Variants in SBF2 observed in about 807,000 individuals in gnomAD.
The protein encoded by SBF2 is myotubularin-related protein 13.
Under a neutral mutation model 225.2 loss-of-function variants are expected in SBF2, and 112 were observed. That is an observed-to-expected ratio of 0.50 (90% CI 0.43 to 0.58). SBF2 has a LOEUF of 0.58. SBF2 is among the 20% of genes least tolerant of loss of function. SBF2 has a pLI of 0.00. For missense variants in SBF2, 1,996 were observed against 2,206.2 expected, an observed-to-expected ratio of 0.90 and a Z score of 1.91; for synonymous variants, 763 against 773.3, an observed-to-expected ratio of 0.99 and a Z score of 0.22.
At chr11:9,866,872 C>T (rs1858267179) in intron 17 of SBF2, among the ~76,000 whole-genome samples, 2 of 152,180 alleles carry the variant, frequency 1.3e-5, no homozygotes, top group South Asian at 4.2e-4. Context: ...ACAAGGAATG[C>T]AAGCAACTCA....
chr11:9,799,700 T>C (rs1853366595), intron 32 of SBF2, among the ~76,000 whole-genome samples: 1 of 152,216 alleles, frequency 6.6e-6, no homozygotes, highest in Non-Finnish European at 1.5e-5. Flanking sequence ...AATGATGAGA[T>C]GGCTGAACTC....
At chr11:9,856,211 A>C (rs1305690570) in intron 19 of SBF2, among the ~76,000 whole-genome samples, 1 of 152,236 alleles carries the variant, frequency 6.6e-6, no homozygotes, top group Admixed American at 6.5e-5. Flanking sequence ...GGGCTGGATC[A>C]GTAATGGGTG....
chr11:10,049,380 G>A (rs2134706734), intron 2 of SBF2, among the ~76,000 whole-genome samples: 1 of 152,298 alleles, frequency 6.6e-6, no homozygotes, highest in East Asian at 1.9e-4. Flanking sequence ...GCTGAAGTGA[G>A]TGGATCACTT....
intron 17 of SBF2, among the ~76,000 whole-genome samples, chr11:9,874,694 T>TA (rs1859070278): frequency 6.6e-6 from 1 of 152,294 alleles, no homozygotes; most frequent in South Asian, 2.1e-4. Flanking sequence ...TTCACTGAGG[T>TA]ACTGCCTACA....
chr11:10,256,172 G>A (rs1323313911), intron 1 of SBF2, among the ~76,000 whole-genome samples: 2 of 152,122 alleles, frequency 1.3e-5, no homozygotes, highest in African/African-American at 4.8e-5. Flanking sequence ...TGCAGCACTG[G>A]CCAGGATAAA....
At chr11:10,052,424 T>C (rs562978366) in intron 2 of SBF2, among the ~76,000 whole-genome samples, 1 of 152,192 alleles carries the variant, frequency 6.6e-6, no homozygotes, top group Non-Finnish European at 1.5e-5. Flanking sequence ...ACAACGTATC[T>C]GGGAACAGGC....
At chr11:9,797,409 T>G (rs1173504996) in intron 32 of SBF2, among the ~76,000 whole-genome samples, 1 of 152,204 alleles carries the variant, frequency 6.6e-6, no homozygotes, top group African/African-American at 2.4e-5. Context: ...TTTAGGAAGA[T>G]GCATTAAAAA....
chr11:10,197,435 G>T (rs776323524), intron 1 of SBF2, among the ~76,000 whole-genome samples: 5 of 152,142 alleles, frequency 3.3e-5, no homozygotes, highest in Non-Finnish European at 7.4e-5. Flanking sequence ...ACAGCGTTAC[G>T]CCTAAAAGAT....
chr11:10,047,952 C>T (rs1949927151), intron 2 of SBF2, among the ~76,000 whole-genome samples: 1 of 152,166 alleles, frequency 6.6e-6, no homozygotes, highest in Non-Finnish European at 1.5e-5. Context: ...TGTTCCTCTA[C>T]TATACTCCAA....
Position 10,213,110 on chromosome 11 carries a change from G to C in SBF2, c.56-19123C>G, listed in dbSNP as rs575908052. Reference sequence around the variant, plus strand: ...TCCAGGATTCCACTAAATTCAGAAAGCTCATTTTGTAGCAGCATCTCTTAC... The same window carrying C: ...TCCAGGATTCCACTAAATTCAGAAACCTCATTTTGTAGCAGCATCTCTTAC... On this transcript the variant is annotated intron_variant, in intron 1 of 39. Transcript: ENST00000256190. Among the ~76,000 whole-genome samples the C allele has an allele frequency of 3.1e-4, 47 of 151,924 alleles. No individual in the cohort carries two copies. The South Asian group carries it at 8.3e-3, about 27-fold the overall frequency.
intron 2 of SBF2, among the ~76,000 whole-genome samples, chr11:10,103,066 G>A (rs1369159120): frequency 6.6e-5 from 10 of 152,128 alleles, no homozygotes; most frequent in Non-Finnish European, 2.9e-5. Context: ...GTTGGCCTCA[G>A]GGTGTCTTCA....
rs528473108 is a variant in SBF2 at position 10,229,854 on chromosome 11, G to T, written c.56-35867C>A. Among the ~76,000 whole-genome samples the T allele has an allele frequency of 3.8e-3, 573 of 152,282 alleles. 3 individuals carry two copies. The highest frequency in any genetic ancestry group is 0.013 in the African/African-American group (547 of 41,572). ...CCGCTTGGTGCAGAGCTGAGTTCAA[G>T]TCCTGGATATCCTTGTTAACTTTCT... On this transcript the variant is annotated intron_variant, in intron 1 of 39. Coordinates refer to ENST00000256190, the MANE Select transcript of SBF2 (RefSeq NM_030962.4).
chr11:10,030,072 G>A lies in SBF2; in HGVS notation c.403-197C>T, dbSNP rs139083604. ...CCAGAACCCCCAAATGAGCTTCTGA[G>A]ATGAGTTTATAGAAAGCAGAAATCC... is the stretch of plus-strand genomic sequence containing the variant. On this transcript the variant is annotated intron_variant, in intron 4 of 39. Transcript: ENST00000256190. 9.0e-3 allele frequency among the ~76,000 whole-genome samples: 1,365 copies of A among 152,294 alleles called. 87 individuals carry two copies. Among genetic ancestry groups the A allele is most frequent in the Admixed American group, 0.081 (1,231 of 15,278 alleles).
chr11:9,815,445 C>G (rs1275132649), intron 29 of SBF2, among the ~76,000 whole-genome samples: 1 of 129,624 alleles, frequency 7.7e-6, no homozygotes, highest in African/African-American at 2.9e-5. Flanking sequence ...GAGTGAGACT[C>G]CATCTCAAAA....
At chr11:10,270,721 C>A (rs565704659) in intron 1 of SBF2, among the ~76,000 whole-genome samples, 9 of 151,992 alleles carry the variant, frequency 5.9e-5, no homozygotes, top group African/African-American at 2.2e-4. Flanking sequence ...AGGACGGGCG[C>A]GGTGGCTCAC....
chr11:10,111,864 G>A (rs1255887219), intron 2 of SBF2, among the ~76,000 whole-genome samples: 2 of 152,194 alleles, frequency 1.3e-5, no homozygotes, highest in Admixed American at 1.3e-4. Flanking sequence ...GTGACACAGT[G>A]AGACTCAGTC....
chr11:10,045,447 A>G (rs1487422260), intron 2 of SBF2, among the ~76,000 whole-genome samples: 2 of 152,162 alleles, frequency 1.3e-5, no homozygotes, highest in Non-Finnish European at 1.5e-5. Context: ...GATTACAGGC[A>G]TGAGCCACTG....
chr11:9,881,249 A>G (rs1859739268), intron 17 of SBF2, among the ~76,000 whole-genome samples: 1 of 152,250 alleles, frequency 6.6e-6, no homozygotes, highest in Non-Finnish European at 1.5e-5. Flanking sequence ...CTCTTGGCAC[A>G]GCAGTGATAC....
chr11:10,094,312 A>C (rs1951915073), intron 2 of SBF2, among the ~76,000 whole-genome samples: 1 of 152,092 alleles, frequency 6.6e-6, no homozygotes, highest in South Asian at 2.1e-4. Context: ...AACAAGAACG[A>C]AACTCCATCT....
Sources: allele counts gnomAD v4.1 joint callset (sites outside exome capture counted in the v4.1 genomes callset), GRCh38; gene constraint gnomAD v4.1.1; transcripts MANE v1.5; gene names NCBI Gene and HGNC (gene_info 2026-07-23, HGNC 2026-07-21).